Variants in C3orf20 observed in about 807,000 individuals in gnomAD.
C3orf20 encodes the protein uncharacterized protein C3orf20.
In C3orf20, 76 loss-of-function variants were observed where a neutral mutation model predicts 88.3. That is an observed-to-expected ratio of 0.86 (90% confidence interval 0.72 to 1.04). The LOEUF (loss-of-function observed/expected upper bound fraction) is 1.04, where lower values mean the gene tolerates loss of function less well. Among genes scored for constraint, C3orf20 ranks in the 50% least tolerant of loss-of-function variants. The pLI, the probability that C3orf20 is intolerant of heterozygous loss-of-function variation, is 0.00. For missense variants in C3orf20, 1,056 were observed against 1,123.3 expected, an observed-to-expected ratio of 0.94 and a Z score of 0.86; for synonymous variants, 436 against 437.4, an observed-to-expected ratio of 1.00 and a Z score of 0.04.
At chr3:14,749,076 C>T (rs543201625) in intron 12 of C3orf20, among the ~76,000 whole-genome samples, 2 of 152,184 alleles carry the variant, frequency 1.3e-5, no homozygotes, top group South Asian at 4.2e-4. Flanking sequence ...TATAGAATTG[C>T]CTATTTCTTC....
At chr3:14,727,271 G>A (rs2034385179) in intron 11 of C3orf20, among the ~76,000 whole-genome samples, 1 of 152,146 alleles carries the variant, frequency 6.6e-6, no homozygotes, top group Non-Finnish European at 1.5e-5. Flanking sequence ...CTCTCCCAGA[G>A]TGTCTTGCAC....
chr3:14,741,319 A>G (rs758538588), intron 12 of C3orf20, among the ~76,000 whole-genome samples: 28 of 151,826 alleles, frequency 1.8e-4, no homozygotes, highest in Non-Finnish European at 3.2e-4. Context: ...TTCTCTCTCT[A>G]GCTTCGTGAA....
intron 4 of C3orf20, 140 bp from the exon 5 acceptor site, chr3:14,689,857 T>C (rs1201769719): frequency 2.7e-6 from 3 of 1,095,550 alleles, no homozygotes; most frequent in Admixed American, 2.2e-5. Context: ...TCTTCCAAGA[T>C]CTAGGTGTTT....
chr3:14,677,908 C>T (rs1349843770), intron 1 of C3orf20, among the ~76,000 whole-genome samples: 1 of 152,110 alleles, frequency 6.6e-6, no homozygotes, highest in Non-Finnish European at 1.5e-5. Context: ...CCCCACCACA[C>T]TTCCCTCCAC....
At chr3:14,741,330 C>T (rs150183263) in intron 12 of C3orf20, among the ~76,000 whole-genome samples, 59 of 152,292 alleles carry the variant, frequency 3.9e-4, no homozygotes, top group African/African-American at 1.4e-3. Flanking sequence ...GCTTCGTGAA[C>T]ATGTCAGGAG....
intron 5 of C3orf20, among the ~76,000 whole-genome samples, chr3:14,690,370 C>T (rs759621916): frequency 2.2e-4 from 33 of 152,304 alleles, no homozygotes; most frequent in Admixed American, 5.2e-4. Context: ...ACATTCCCAG[C>T]GATGTGGCGT....
intron 5 of C3orf20, among the ~76,000 whole-genome samples, chr3:14,696,579 TG>T (rs752153654): frequency 2.9e-4 from 44 of 151,938 alleles, no homozygotes; most frequent in Non-Finnish European, 5.6e-4. Flanking sequence ...TTAGTAGAGA[TG>T]TTGGCTAGGC....
rs1325228247 is a variant in C3orf20, at chr3:14,717,660, AG to A, written c.1434+2252del. Among the ~76,000 whole-genome samples the A allele has an allele frequency of 3.9e-5, 6 of 152,110 alleles. No individual in the cohort carries two copies. The East Asian group carries it at 1.2e-3, about 29-fold the overall frequency. On this transcript the variant is annotated intron_variant, in intron 9 of 16. Coordinates refer to ENST00000253697, the MANE Select transcript of C3orf20 (RefSeq NM_032137.5). ...TTTTGCCCAGATGTTTACTATTTCC[AG>A]TGTTCTTCATTACTCTCTGAAGATC... is the stretch of plus-strand genomic sequence containing the variant.
chr3:14,708,553 C>T (rs1291010908), intron 7 of C3orf20, among the ~76,000 whole-genome samples: 1 of 150,594 alleles, frequency 6.6e-6, no homozygotes, highest in Admixed American at 6.6e-5. Flanking sequence ...TTTCCATTTC[C>T]ACAAAAAAAA....
At chr3:14,706,581 T>A (rs1489945173) in intron 7 of C3orf20, among the ~76,000 whole-genome samples, 3 of 121,618 alleles carry the variant, frequency 2.5e-5, no homozygotes, top group African/African-American at 9.6e-5. Context: ...CCCAAACTTT[T>A]GATCCATTGC....
At chr3:14,684,179 C>A in intron 3 of C3orf20, 63 bp from the exon 4 acceptor site, 1 of 1,591,278 alleles carries the variant, frequency 6.3e-7, no homozygotes, top group Admixed American at 1.7e-5. Flanking sequence ...TACAGAGGTC[C>A]TTTTCTGGAA....
At chr3:14,737,520 C>A (rs1307724970) in intron 12 of C3orf20, among the ~76,000 whole-genome samples, 1 of 152,172 alleles carries the variant, frequency 6.6e-6, no homozygotes, top group Non-Finnish European at 1.5e-5. Flanking sequence ...AATGTACATA[C>A]CATAATTTTA....
intron 12 of C3orf20, among the ~76,000 whole-genome samples, chr3:14,751,588 T>C (rs1428697476): frequency 6.6e-6 from 1 of 152,224 alleles, no homozygotes; most frequent in Non-Finnish European, 1.5e-5. Context: ...AACCCCATCG[T>C]CTTGGCCCAA....
At chr3:14,706,956 A>G (rs1404913714) in intron 7 of C3orf20, among the ~76,000 whole-genome samples, 1 of 152,058 alleles carries the variant, frequency 6.6e-6, no homozygotes, top group African/African-American at 2.4e-5. Flanking sequence ...TCAGGCAAAA[A>G]TTATATGTCT....
At chr3:14,715,480 A>T in intron 9 of C3orf20, 71 bp downstream of exon 9, 1 of 1,544,660 alleles carries the variant, frequency 6.5e-7, no homozygotes, top group Non-Finnish European at 8.8e-7. Context: ...GCATCCTGCC[A>T]TGCACTGCCT....
chr3:14,751,836 A>G (rs191481356), intron 12 of C3orf20, among the ~76,000 whole-genome samples: 179 of 152,350 alleles, frequency 1.2e-3, no homozygotes, highest in Non-Finnish European at 2.1e-3. Flanking sequence ...AAAAGAGGGC[A>G]CAAACAAATG....
chr3:14,676,178 C>T (rs567359513), intron 1 of C3orf20, among the ~76,000 whole-genome samples: 37 of 150,498 alleles, frequency 2.5e-4, no homozygotes, highest in African/African-American at 8.8e-4. Context: ...CCCCACCCCA[C>T]ACCAGCCTCT....
intron 12 of C3orf20, among the ~76,000 whole-genome samples, chr3:14,752,267 C>G (rs2035241208): frequency 6.6e-6 from 1 of 152,320 alleles, no homozygotes; most frequent in East Asian, 1.9e-4. Flanking sequence ...GCTGGGAAAA[C>G]TGGCTAGCCA....
rs762018073 is a variant in C3orf20 at position 14,772,845 on chromosome 3, T to C, written c.2685T>C (p.Thr895=). 6.2e-7 allele frequency: 1 copy of C among 1,613,986 alleles called. No homozygotes were observed. The highest frequency in any genetic ancestry group is 8.5e-7 in the Non-Finnish European group (1 of 1,179,926). Residue 895 remains threonine (T), a synonymous_variant, in exon 17 of 17, where the codon ACT becomes ACC. Transcript: ENST00000253697. The surrounding 1 kb of genome is among the most constrained non-coding windows in gnomAD (Gnocchi z 4.2). ...CTCTCAGCAGGGACAGCAAGATAAC[T>C]AGTTGGAAGAAGCAGGCCTCCAAGA... is the stretch of plus-strand genomic sequence containing the variant. ...LHPLSRDSKI[T]SWKKQASKK is the part of the protein sequence containing the mutation.
Sources: gnomAD v4.1 joint callset for allele counts (sites outside exome capture counted in the v4.1 genomes callset) on GRCh38, gnomAD v4.1.1 for gene constraint, Gnocchi (gnomAD v3.1) non-coding constraint, MANE v1.5 for transcripts, NCBI Gene and HGNC (gene_info 2026-07-23, HGNC 2026-07-21) for gene names.